EEFSEC: variants seen among roughly 807,000 people sequenced by gnomAD.
EEFSEC encodes the protein eukaryotic elongation factor, selenocysteine-tRNA specific, also known as selenocysteine-specific elongation factor.
Under a neutral mutation model 42.1 loss-of-function variants are expected in EEFSEC, and 43 were observed. That is an observed-to-expected ratio of 1.02 (90% CI 0.80 to 1.32). The LOEUF (loss-of-function observed/expected upper bound fraction) is 1.32. Ranked by LOEUF, EEFSEC falls within the 40% of genes most tolerant of loss-of-function variation. EEFSEC has a pLI of 0.00. For synonymous variants in EEFSEC, 354 were observed against 339.1 expected (o/e 1.04, Z -0.48); for missense variants, 745 against 803.6 (o/e 0.93, Z 0.88).
intron 1 of EEFSEC, among the ~76,000 whole-genome samples, chr3:128,167,267 T>C (rs756110986): frequency 7.9e-5 from 12 of 152,230 alleles, no homozygotes; most frequent in Non-Finnish European, 1.5e-4. Flanking sequence ...TACTGGATTA[T>C]GTTTTCCACT....
intron 4 of EEFSEC, among the ~76,000 whole-genome samples, chr3:128,305,807 A>G (rs1048788940): frequency 3.3e-5 from 5 of 152,128 alleles, no homozygotes; most frequent in Middle Eastern, 3.4e-3. Flanking sequence ...TATCTTTGCT[A>G]TGTATTTCTT....
At chr3:128,366,529 AGAGGAG>A (rs982979437) in intron 6 of EEFSEC, among the ~76,000 whole-genome samples, 32 of 152,096 alleles carry the variant, frequency 2.1e-4, no homozygotes, top group Admixed American at 3.9e-4. Context: ...CTGAGGGCAC[AGAGGAG>A]GAGGAGGAGG....
chr3:128,207,461 G>C (rs1440953667), intron 1 of EEFSEC, among the ~76,000 whole-genome samples: 2 of 151,812 alleles, frequency 1.3e-5, no homozygotes, highest in African/African-American at 4.8e-5. Context: ...GGGAGGCTTG[G>C]ACTCTTGGGT....
At chr3:128,277,122 C>T (rs994640989) in intron 4 of EEFSEC, among the ~76,000 whole-genome samples, 13 of 152,378 alleles carry the variant, frequency 8.5e-5, no homozygotes, top group Admixed American at 7.2e-4. Context: ...TCGGGCCCCT[C>T]ACTGCCCTGG....
At chr3:128,278,430 A>G (rs2066490594) in intron 4 of EEFSEC, among the ~76,000 whole-genome samples, 1 of 152,194 alleles carries the variant, frequency 6.6e-6, no homozygotes, top group Non-Finnish European at 1.5e-5. Context: ...AGAATCCAGA[A>G]CAATCTGGAG....
chr3:128,267,464 C>T (rs932130796), intron 4 of EEFSEC, among the ~76,000 whole-genome samples: 2 of 152,136 alleles, frequency 1.3e-5, no homozygotes, highest in Non-Finnish European at 2.9e-5. Context: ...TCAGGAAAAG[C>T]AGAACTTGTA....
chr3:128,154,948 A>G (rs1459883540), intron 1 of EEFSEC, among the ~76,000 whole-genome samples: 1 of 152,146 alleles, frequency 6.6e-6, no homozygotes, highest in Non-Finnish European at 1.5e-5. Flanking sequence ...AATGCCCCAC[A>G]AAGAGGTACC....
At chr3:128,300,209 T>C (rs1479647942) in intron 4 of EEFSEC, among the ~76,000 whole-genome samples, 1 of 152,230 alleles carries the variant, frequency 6.6e-6, no homozygotes, top group African/African-American at 2.4e-5. Flanking sequence ...TCCCCCATCT[T>C]AACTTCTTTC....
At chr3:128,403,516 C>T (rs993649077) in intron 6 of EEFSEC, among the ~76,000 whole-genome samples, 7 of 152,136 alleles carry the variant, frequency 4.6e-5, no homozygotes, top group South Asian at 2.1e-4. Context: ...GATGGGCAGT[C>T]GGCACTCAGC....
At chr3:128,218,942 A>G (rs1022670479) in intron 1 of EEFSEC, among the ~76,000 whole-genome samples, 1 of 152,164 alleles carries the variant, frequency 6.6e-6, no homozygotes, top group Non-Finnish European at 1.5e-5. Context: ...CTTTCAGCAC[A>G]TGGTGGGGCA....
chr3:128,314,356 T>G (rs1366693475), intron 4 of EEFSEC, among the ~76,000 whole-genome samples: 1 of 152,218 alleles, frequency 6.6e-6, no homozygotes, highest in Non-Finnish European at 1.5e-5. Flanking sequence ...ATTTATTTTA[T>G]TTTTTGAGAC....
At chr3:128,251,760 T>C (rs1277036030) in intron 2 of EEFSEC, among the ~76,000 whole-genome samples, 1 of 152,230 alleles carries the variant, frequency 6.6e-6, no homozygotes, top group East Asian at 1.9e-4. Context: ...TCCATTTTAG[T>C]TGCTTTTTTT....
intron 4 of EEFSEC, among the ~76,000 whole-genome samples, chr3:128,272,460 C>T (rs1406141418): frequency 6.6e-6 from 1 of 152,146 alleles, no homozygotes; most frequent in African/African-American, 2.4e-5. Context: ...TGAACGGCCA[C>T]CTTACTCCCA....
At chr3:128,270,931 G>A (rs753649968) in intron 4 of EEFSEC, among the ~76,000 whole-genome samples, 2 of 152,148 alleles carry the variant, frequency 1.3e-5, no homozygotes, top group Non-Finnish European at 1.5e-5. Flanking sequence ...GGTCTCCCTG[G>A]GGGCAGAAGC....
At chr3:128,232,595 A>G (rs1200998117) in intron 1 of EEFSEC, among the ~76,000 whole-genome samples, 1 of 152,264 alleles carries the variant, frequency 6.6e-6, no homozygotes, top group East Asian at 1.9e-4. Flanking sequence ...GCGGGAGAGA[A>G]CAGAAACTGT....
At chr3:128,272,306 C>A (rs2811413) in intron 4 of EEFSEC, among the ~76,000 whole-genome samples, 82,698 of 152,204 alleles carry the variant, frequency 0.54, 24,653 homozygotes, top group Non-Finnish European at 0.68. Flanking sequence ...TGTTACCTGA[C>A]TCTGGCCAAT....
chr3:128,198,557 G>A (rs2065610666), intron 1 of EEFSEC, among the ~76,000 whole-genome samples: 1 of 152,192 alleles, frequency 6.6e-6, no homozygotes, highest in African/African-American at 2.4e-5. Context: ...GAGAATGCTG[G>A]ATGTAAAAAC....
Position 128,199,765 on chromosome 3 carries a change from A to G in EEFSEC, c.316+45942A>G, listed in dbSNP as rs1313734516. Among the ~76,000 whole-genome samples, 17 of 152,096 alleles carry G rather than the reference A, an allele frequency of 1.1e-4. No homozygotes were observed. In the East Asian group the frequency reaches 2.3e-3, roughly 21 times the overall value. On this transcript the variant is annotated intron_variant, in intron 1 of 6. Coordinates refer to ENST00000254730, the MANE Select transcript of EEFSEC (RefSeq NM_021937.5). ...AATTTTTTTTTTGAGATGGGGTCTC[A>G]CTCTGTTGCCCAGGCTGGAGTGCAG...
rs115503623 is a variant in EEFSEC at position 128,344,886 on chromosome 3, A to G, written c.1443+2997A>G. On this transcript the variant is annotated intron_variant, in intron 5 of 6. Transcript: ENST00000254730. ...TCATATGTAAGAGCCGACTCTCATCAGGTGAAGCAAGAAGGTAGTGTTCCT... is the reference window on the plus strand; with the variant it reads ...TCATATGTAAGAGCCGACTCTCATCGGGTGAAGCAAGAAGGTAGTGTTCCT... Among the ~76,000 whole-genome samples, 693 of 152,334 alleles carry G rather than the reference A, an allele frequency of 4.5e-3. 4 individuals carry two copies. Among genetic ancestry groups the G allele is most frequent in the African/African-American group, 0.015 (608 of 41,566 alleles).
Sources: allele counts gnomAD v4.1 joint callset (sites outside exome capture counted in the v4.1 genomes callset), GRCh38; gene constraint gnomAD v4.1.1; transcripts MANE v1.5; gene names NCBI Gene and HGNC (gene_info 2026-07-23, HGNC 2026-07-21).